MDGA2: variants seen among roughly 807,000 people sequenced by gnomAD.
MDGA2 encodes MAM domain containing glycosylphosphatidylinositol anchor 2, also known as MAM domain-containing glycosylphosphatidylinositol anchor protein 2.
In MDGA2, 40 loss-of-function variants were observed where a neutral mutation model predicts 117.8. The ratio of observed to expected loss-of-function variants is 0.34; its 90% CI spans 0.26 to 0.44. The LOEUF is 0.44. Among genes scored for constraint, MDGA2 ranks in the 20% least tolerant of loss-of-function variants. MDGA2 has a pLI of 1.00. For synonymous variants in MDGA2, 452 were observed against 439.0 expected, an observed-to-expected ratio of 1.03 and a Z score of -0.37; for missense variants, 1,123 against 1,250.6, an observed-to-expected ratio of 0.90 and a Z score of 1.54.
At chr14:47,267,838 T>C (rs1279647561) in intron 2 of MDGA2, among the ~76,000 whole-genome samples, 1 of 152,192 alleles carries the variant, frequency 6.6e-6, no homozygotes, top group Non-Finnish European at 1.5e-5. Flanking sequence ...TATAAAGCAC[T>C]TAAAATAATT....
intron 1 of MDGA2, among the ~76,000 whole-genome samples, chr14:47,391,347 C>T (rs1891890439): frequency 6.6e-6 from 1 of 152,258 alleles, no homozygotes; most frequent in East Asian, 1.9e-4. Context: ...AATAGGGTGG[C>T]ATTGTTTTGC....
chr14:47,164,084 G>T (rs1297927639), intron 3 of MDGA2, among the ~76,000 whole-genome samples: 2 of 152,206 alleles, frequency 1.3e-5, no homozygotes, highest in Non-Finnish European at 2.9e-5. Flanking sequence ...GTTAGTAGGT[G>T]AGTCAGTAAG....
At chr14:46,991,278 T>A (rs939475355) in intron 8 of MDGA2, among the ~76,000 whole-genome samples, 2 of 152,134 alleles carry the variant, frequency 1.3e-5, no homozygotes, top group African/African-American at 4.8e-5. Flanking sequence ...TTTAAATCTT[T>A]TATAGAATGT....
intron 1 of MDGA2, among the ~76,000 whole-genome samples, chr14:47,501,635 G>A (rs1759157306): frequency 6.6e-6 from 1 of 152,170 alleles, no homozygotes; most frequent in African/African-American, 2.4e-5. Context: ...GGTCATTAGA[G>A]TGGGCCTTTA....
intron 1 of MDGA2, among the ~76,000 whole-genome samples, chr14:47,449,115 C>T (rs964098140): frequency 2.0e-5 from 3 of 152,262 alleles, no homozygotes; most frequent in Admixed American, 1.3e-4. Context: ...ACTCATTAAA[C>T]TAGCATTTTG....
chr14:47,072,786 G>A (rs1477034143), intron 6 of MDGA2, among the ~76,000 whole-genome samples: 2 of 152,092 alleles, frequency 1.3e-5, no homozygotes, highest in African/African-American at 2.4e-5. Flanking sequence ...TAGAAATACA[G>A]GGCTCGAACA....
chr14:47,548,375 A>C (rs1895506327), intron 1 of MDGA2, among the ~76,000 whole-genome samples: 1 of 151,776 alleles, frequency 6.6e-6, no homozygotes. Flanking sequence ...TTTGGTTGAA[A>C]ACGGGACAAT....
chr14:46,929,638 T>C (rs1884479635), intron 9 of MDGA2, among the ~76,000 whole-genome samples: 1 of 47,248 alleles, frequency 2.1e-5, no homozygotes, highest in Admixed American at 2.4e-4. Context: ...TATATATATA[T>C]ATATATATAC....
At chr14:47,674,429 C>T in intron 1 of MDGA2, 88 bp downstream of exon 1, 5 of 1,199,296 alleles carry the variant, frequency 4.2e-6, no homozygotes, top group Non-Finnish European at 2.4e-6. Context: ...GGGAGGGGCC[C>T]CGGAACGGCG....
intron 1 of MDGA2, among the ~76,000 whole-genome samples, chr14:47,350,642 A>G (rs1890858481): frequency 6.6e-6 from 1 of 152,208 alleles, no homozygotes; most frequent in Non-Finnish European, 1.5e-5. Context: ...TCATTCAAAA[A>G]ACTTCTGAAA....
At chr14:47,476,344 T>C (rs1490848578) in intron 1 of MDGA2, among the ~76,000 whole-genome samples, 2 of 152,028 alleles carry the variant, frequency 1.3e-5, no homozygotes, top group Admixed American at 6.6e-5. Flanking sequence ...AATAAAATAA[T>C]GTTAAATAAG....
chr14:47,616,974 C>A (rs1896957861), intron 1 of MDGA2, among the ~76,000 whole-genome samples: 1 of 152,118 alleles, frequency 6.6e-6, no homozygotes, highest in Admixed American at 6.5e-5. Flanking sequence ...TAGCAACTGT[C>A]CTATTGGACA....
chr14:46,938,167 CAT>C (rs1227004870), intron 9 of MDGA2, among the ~76,000 whole-genome samples: 2 of 152,026 alleles, frequency 1.3e-5, no homozygotes, highest in African/African-American at 4.8e-5. Flanking sequence ...TCAAAGAAGA[CAT>C]ATAAATGGCC....
intron 2 of MDGA2, among the ~76,000 whole-genome samples, chr14:47,223,802 A>C (rs1300429090): frequency 6.6e-6 from 1 of 152,222 alleles, no homozygotes; most frequent in Non-Finnish European, 1.5e-5. Flanking sequence ...TAACTGACTC[A>C]CAGTTCTACA....
intron 10 of MDGA2, among the ~76,000 whole-genome samples, chr14:46,911,791 CATAAA>C (rs1474319220): frequency 6.6e-6 from 1 of 152,058 alleles, no homozygotes; most frequent in African/African-American, 2.4e-5. Flanking sequence ...TAATATTAAA[CATAAA>C]ATAAATGTGA....
At chr14:47,409,381 T>C (rs6572421) in intron 1 of MDGA2, among the ~76,000 whole-genome samples, 150,089 of 152,304 alleles carry the variant, frequency 0.99, 73,993 homozygotes, top group East Asian at 1. Context: ...ATTCTTTTCC[T>C]AGGTAGCCAC....
At chr14:47,663,625 A>G (rs1015954832) in intron 1 of MDGA2, among the ~76,000 whole-genome samples, 3 of 152,208 alleles carry the variant, frequency 2.0e-5, no homozygotes, top group Admixed American at 6.5e-5. Context: ...CTTTTCAGTT[A>G]ATTCTAATTT....
intron 9 of MDGA2, among the ~76,000 whole-genome samples, chr14:46,930,982 C>T (rs957001479): frequency 3.9e-5 from 6 of 151,910 alleles, no homozygotes; most frequent in Non-Finnish European, 7.4e-5. Flanking sequence ...TTTGGGAGGC[C>T]GAGGCGGGCG....
At chr14:47,328,043 A>G (rs1890193041) in intron 1 of MDGA2, among the ~76,000 whole-genome samples, 1 of 152,176 alleles carries the variant, frequency 6.6e-6, no homozygotes, top group African/African-American at 2.4e-5. Context: ...ACTATTACAC[A>G]TTGTGTTTGT....
Sources: allele counts gnomAD v4.1 joint callset (sites outside exome capture counted in the v4.1 genomes callset), GRCh38; gene constraint gnomAD v4.1.1; transcripts MANE v1.5; gene names NCBI Gene and HGNC (gene_info 2026-07-23, HGNC 2026-07-21).